TRIP11: variants seen among roughly 807,000 people sequenced by gnomAD.
TRIP11 encodes the protein thyroid receptor-interacting protein 11.
Under a neutral mutation model 223.1 loss-of-function variants are expected in TRIP11, and 148 were observed. The observed-to-expected ratio is 0.66, with a 90% CI of 0.58 to 0.76. The LOEUF (loss-of-function observed/expected upper bound fraction) is 0.76, where lower values mean the gene tolerates loss of function less well. TRIP11 is among the 30% of genes least tolerant of loss of function. The pLI, the probability that TRIP11 is intolerant of heterozygous loss-of-function variation, is 0.00. For missense variants in TRIP11, 2,043 were observed against 2,222.0 expected (o/e 0.92, Z 1.62); for synonymous variants, 762 against 772.6 (o/e 0.99, Z 0.23).
intron 2 of TRIP11, chr14:92,027,034 C>T (rs754588187): frequency 1.8e-5 from 11 of 607,364 alleles, no homozygotes; most frequent in African/African-American, 7.5e-5. Context: ...AGATGACACG[C>T]GCTCTCCACC....
intron 15 of TRIP11, among the ~76,000 whole-genome samples, chr14:91,989,247 T>A (rs2056643333): frequency 6.6e-6 from 1 of 152,142 alleles, no homozygotes; most frequent in Admixed American, 6.5e-5. Flanking sequence ...CCCCAGATAA[T>A]CAGCACCACT....
chr14:92,039,964 T>C lies in TRIP11; in HGVS notation c.-279A>G, dbSNP rs2140156751. 1.8e-6 allele frequency: 1 copy of C among 546,178 alleles called. No homozygotes were observed. The highest frequency in any genetic ancestry group is 2.0e-5 in the South Asian group (1 of 49,052). The allele number at this position is 546,178 out of a possible 1,614,324, so 33.8% of individuals were successfully genotyped here. ...CCCACCGTCCAGATTGGGCCACTTC[T>C]TTCTCAGCTCTAATGACTTTCCTCA... On this transcript the variant is annotated 5_prime_UTR_variant, in exon 1 of 21. Coordinates refer to ENST00000267622, the MANE Select transcript of TRIP11 (RefSeq NM_004239.4).
At chr14:92,008,497 C>T (rs923527251) in intron 9 of TRIP11, among the ~76,000 whole-genome samples, 2 of 152,278 alleles carry the variant, frequency 1.3e-5, no homozygotes, top group Non-Finnish European at 2.9e-5. Context: ...CTCTGTCACA[C>T]CTGACATTCC....
At chr14:92,030,203 C>CAAAAAAAA (rs55828319) in intron 2 of TRIP11, among the ~76,000 whole-genome samples, 1 of 67,080 alleles carries the variant, frequency 1.5e-5, no homozygotes, top group Non-Finnish European at 2.6e-5. Flanking sequence ...GACTCCGTCT[C>CAAAAAAAA]AAAAAAAAAA....
At chr14:92,017,605 T>C in intron 5 of TRIP11, 77 bp downstream of exon 5, 2 of 1,107,902 alleles carry the variant, frequency 1.8e-6, no homozygotes, top group African/African-American at 1.6e-5. Flanking sequence ...ACTGAGACTT[T>C]TACTAATTCA....
chr14:92,033,360 C>A, intron 1 of TRIP11, 107 bp from the exon 2 acceptor site: 1 of 866,482 alleles, frequency 1.2e-6, no homozygotes, highest in Non-Finnish European at 1.9e-6. Flanking sequence ...GAATAGTAGG[C>A]TGATATGAAA....
intron 2 of TRIP11, among the ~76,000 whole-genome samples, chr14:92,028,424 G>A (rs2057217331): frequency 6.6e-6 from 1 of 152,074 alleles, no homozygotes; most frequent in Admixed American, 6.6e-5. Context: ...ATGTTGGCTT[G>A]CACCCATAGT....
chr14:92,026,102 AAACAG>A (rs2057182722), intron 2 of TRIP11, among the ~76,000 whole-genome samples: 1 of 152,194 alleles, frequency 6.6e-6, no homozygotes. Context: ...TTTCTTCCCC[AAACAG>A]AACTTTTTTT....
rs748964561 is a variant in TRIP11, at chr14:92,025,472, T to A, written c.202-52A>T. ...AAAGACTGCAAGTAAAACATGTAAT[T>A]AGTTATGTGCACAGCATTATGAAAA... On this transcript the variant is annotated intron_variant, in intron 2 of 20. Transcript: ENST00000267622. 4 of 1,300,348 alleles carry A rather than the reference T, an allele frequency of 3.1e-6. No individual in the cohort carries two copies. The South Asian group carries it at 3.6e-5, about 12-fold the overall frequency. The allele number at this position is 1,300,348 out of a possible 1,614,324, so 80.6% of individuals were successfully genotyped here. A position where few individuals can be genotyped will look rare whatever the true frequency, so the allele number is the denominator to read the frequency against.
chr14:91,967,797 A>G lies in TRIP11; in HGVS notation c.*1876T>C, dbSNP rs990071586. On this transcript the variant is annotated 3_prime_UTR_variant, in exon 21 of 21. Transcript: ENST00000267622. ...CTGAAATGAAATTTCAATGGCAAGC[A>G]GCAAATAATGTAGGATAGTCAGTGA... 1.0e-5 allele frequency: 2 copies of G among 195,310 alleles called. No individual in the cohort carries two copies. Among genetic ancestry groups the G allele is most frequent in the African/African-American group, 4.6e-5 (2 of 43,262 alleles). The allele number at this position is 195,310 out of a possible 1,614,324, so 12.1% of individuals were successfully genotyped here.
chr14:91,986,014 T>C (rs1006842506), intron 16 of TRIP11, among the ~76,000 whole-genome samples: 3 of 152,194 alleles, frequency 2.0e-5, no homozygotes, highest in African/African-American at 7.2e-5. Flanking sequence ...AAGAATGACT[T>C]ACAGACATAA....
At chr14:92,023,637 A>T (rs1566871326) in intron 3 of TRIP11, among the ~76,000 whole-genome samples, 1 of 152,158 alleles carries the variant, frequency 6.6e-6, no homozygotes, top group Non-Finnish European at 1.5e-5. Flanking sequence ...TGGTGTAAAC[A>T]TGTATATGCT....
intron 16 of TRIP11, among the ~76,000 whole-genome samples, chr14:91,980,466 T>G (rs562380588): frequency 2.0e-5 from 3 of 152,234 alleles, no homozygotes; most frequent in Non-Finnish European, 4.4e-5. Context: ...GGCCAGACTT[T>G]GTTGCCTATT....
intron 3 of TRIP11, among the ~76,000 whole-genome samples, chr14:92,024,542 T>C (rs1272567935): frequency 6.6e-6 from 1 of 152,204 alleles, no homozygotes; most frequent in African/African-American, 2.4e-5. Flanking sequence ...TGCTATACTT[T>C]TATCTTTCAC....
chr14:92,033,124 A>G lies in TRIP11; in HGVS notation c.201+68T>C. The G allele has an allele frequency of 3.4e-6, 4 of 1,183,688 alleles. No individual in the cohort carries two copies. In the African/African-American group the frequency reaches 4.5e-5, roughly 13 times the overall value. 73.3% of individuals were successfully genotyped at this position (1,183,688 alleles called of 1,614,324 possible). On this transcript the variant is annotated intron_variant, in intron 2 of 20. Transcript: ENST00000267622. ...CAGTACATTTAAAAAGAAAGGATCA[A>G]AGTAATGTTTGAGTAACCTTCATGA...
In TRIP11 at chr14:91,966,698, T is replaced by C; in HGVS notation, c.*2975A>G. 4.7e-6 allele frequency: 1 copy of C among 214,186 alleles called. No homozygotes were observed. Among genetic ancestry groups the C allele is most frequent in the Non-Finnish European group, 9.4e-6 (1 of 105,976 alleles). The allele number at this position is 214,186 out of a possible 1,614,324, so 13.3% of individuals were successfully genotyped here. ...TGTTGTTTAGTTTTGTTTCATTTTT[T>C]AAAAATCAAAAATGACAGGAATGAA... is the stretch of plus-strand genomic sequence containing the variant. On this transcript the variant is annotated 3_prime_UTR_variant, in exon 21 of 21. Coordinates refer to ENST00000267622, the MANE Select transcript of TRIP11 (RefSeq NM_004239.4).
chr14:92,022,843 C>T (rs188671623), intron 3 of TRIP11, among the ~76,000 whole-genome samples: 1 of 152,042 alleles, frequency 6.6e-6, no homozygotes, highest in African/African-American at 2.4e-5. Context: ...TATTGGAGCC[C>T]CTTCTCAAAT....
intron 15 of TRIP11, 145 bp from the exon 16 acceptor site, chr14:91,988,528 A>T (rs1010581520): frequency 8.8e-6 from 6 of 679,066 alleles, no homozygotes; most frequent in Non-Finnish European, 1.3e-5. Context: ...CCAACCAATA[A>T]GTATCAAAGG....
At chr14:92,007,991 T>G (rs1160332899) in intron 9 of TRIP11, 139 bp from the exon 10 acceptor site, 1 of 679,404 alleles carries the variant, frequency 1.5e-6, no homozygotes, top group African/African-American at 1.8e-5. Context: ...ACCTCAATAA[T>G]TGTATGTGAA....
Sources: allele counts gnomAD v4.1 joint callset (sites outside exome capture counted in the v4.1 genomes callset), GRCh38; gene constraint gnomAD v4.1.1; transcripts MANE v1.5; gene names NCBI Gene and HGNC (gene_info 2026-07-23, HGNC 2026-07-21).